LYPLAL1: variants seen among roughly 807,000 people sequenced by gnomAD.
LYPLAL1 encodes the protein lysophospholipase like 1, also known as lysophospholipase-like protein 1.
A neutral mutation model predicts 19.7 loss-of-function variants in LYPLAL1; 23 were observed. That is an observed-to-expected ratio of 1.17 (90% confidence interval 0.84 to 1.65). LYPLAL1 has a LOEUF of 1.65. Ranked by LOEUF, LYPLAL1 falls within the 40% of genes most tolerant of loss-of-function variation. LYPLAL1 has a pLI of 0.00. For missense variants in LYPLAL1, 355 were observed against 279.4 expected, an observed-to-expected ratio of 1.27 and a Z score of -1.93; for synonymous variants, 119 against 96.3, an observed-to-expected ratio of 1.24 and a Z score of -1.38.
the LYPLAL1 span, among the ~76,000 whole-genome samples, chr1:219,226,379 A>G: frequency 6.6e-6 from 1 of 152,134 alleles, no homozygotes; most frequent in Non-Finnish European, 1.5e-5. Context: ...TAAAGGCAAC[A>G]TTTTGTTTTT....
the LYPLAL1 span, among the ~76,000 whole-genome samples, chr1:219,397,793 A>C: frequency 0.014 from 2,171 of 152,126 alleles, 47 homozygotes; most frequent in African/African-American, 0.05. Flanking sequence ...AAAGGATTTT[A>C]TTTCTTCTTT....
chr1:219,312,620 A>C, the LYPLAL1 span, among the ~76,000 whole-genome samples: 3 of 152,144 alleles, frequency 2.0e-5, no homozygotes, highest in Admixed American at 2.0e-4. Context: ...ACTATCATGA[A>C]AGAGAAGGCA....
At chr1:219,304,030 A>C in the LYPLAL1 span, among the ~76,000 whole-genome samples, 1 of 152,240 alleles carries the variant, frequency 6.6e-6, no homozygotes, top group South Asian at 2.1e-4. Flanking sequence ...TATCTAATAA[A>C]TATTTACAAT....
chr1:219,378,696 CT>C, the LYPLAL1 span, among the ~76,000 whole-genome samples: 2 of 152,042 alleles, frequency 1.3e-5, no homozygotes, highest in Non-Finnish European at 2.9e-5. Flanking sequence ...TTGGAAATCA[CT>C]GAGGGCATAA....
At chr1:219,234,855 A>C in the LYPLAL1 span, among the ~76,000 whole-genome samples, 1 of 152,190 alleles carries the variant, frequency 6.6e-6, no homozygotes, top group African/African-American at 2.4e-5. Flanking sequence ...TTATAATCGC[A>C]AACAATGGAT....
the LYPLAL1 span, among the ~76,000 whole-genome samples, chr1:219,387,054 T>C: frequency 6.6e-6 from 1 of 152,196 alleles, no homozygotes; most frequent in African/African-American, 2.4e-5. Flanking sequence ...AATTTCCATA[T>C]TCTTTTTATG....
chr1:219,338,552 A>C, the LYPLAL1 span, among the ~76,000 whole-genome samples: 1 of 151,910 alleles, frequency 6.6e-6, no homozygotes, highest in Non-Finnish European at 1.5e-5. Context: ...TAGAGTGAAA[A>C]TATCCACCTC....
downstream of LYPLAL1, among the ~76,000 whole-genome samples, chr1:219,217,554 T>A (rs1443102856): frequency 1.3e-5 from 2 of 152,142 alleles, no homozygotes; most frequent in Non-Finnish European, 2.9e-5. Context: ...TTCTAAATCA[T>A]GCAAGGTCTG....
the LYPLAL1 span, among the ~76,000 whole-genome samples, chr1:219,219,547 A>G: frequency 1.3e-5 from 2 of 152,200 alleles, no homozygotes; most frequent in East Asian, 3.9e-4. Flanking sequence ...AGTTAAAACA[A>G]TTGAGTGCAG....
intron 3 of LYPLAL1, chr1:219,199,964 A>T (rs938210955): frequency 8.5e-6 from 2 of 234,176 alleles, no homozygotes; most frequent in Non-Finnish European, 1.8e-5. Context: ...ACACACATCC[A>T]TCCCCAGGAT....
rs1446142354 is a variant in LYPLAL1, at chr1:219,212,677, C to CT, written c.*952dup. On this transcript the variant is annotated 3_prime_UTR_variant, in exon 5 of 5. Transcript: ENST00000366928. ...AATAGAATCATACAATACCTGCCTG[C>CT]TTTCATTCAACAAAATTATCATGAG... 1 of 152,010 alleles carries CT rather than the reference C, an allele frequency of 6.6e-6. No individual in the cohort carries two copies. Among genetic ancestry groups the CT allele is most frequent in the Non-Finnish European group, 1.5e-5 (1 of 67,952 alleles). The allele number at this position is 152,010 out of a possible 1,614,324, so 9.4% of individuals were successfully genotyped here. A position where few individuals can be genotyped will look rare whatever the true frequency, so the allele number is the denominator to read the frequency against.
chr1:219,304,068 T>C, the LYPLAL1 span, among the ~76,000 whole-genome samples: 2 of 152,238 alleles, frequency 1.3e-5, no homozygotes, highest in Non-Finnish European at 2.9e-5. Context: ...ATTGAAGATG[T>C]ATGTCCCCTT....
At chr1:219,210,012 G>GGAAA (rs1307298602) in intron 3 of LYPLAL1, among the ~76,000 whole-genome samples, 2 of 151,496 alleles carry the variant, frequency 1.3e-5, no homozygotes, top group Admixed American at 6.6e-5. Flanking sequence ...AAATAATATT[G>GGAAA]TAATCCAAAA....
the LYPLAL1 span, among the ~76,000 whole-genome samples, chr1:219,240,684 A>G: frequency 1.3e-5 from 2 of 152,204 alleles, no homozygotes; most frequent in Non-Finnish European, 1.5e-5. Context: ...TTCTTTTTCA[A>G]TAAAATTGTT....
the LYPLAL1 span, among the ~76,000 whole-genome samples, chr1:219,379,617 G>T: frequency 6.6e-6 from 1 of 152,024 alleles, no homozygotes; most frequent in Non-Finnish European, 1.5e-5. Flanking sequence ...CTGCATTTTT[G>T]GACCTAAATT....
the LYPLAL1 span, among the ~76,000 whole-genome samples, chr1:219,303,366 T>C: frequency 2.6e-5 from 4 of 151,828 alleles, no homozygotes; most frequent in African/African-American, 9.7e-5. Flanking sequence ...AATAAATAAT[T>C]TAAGAGTCAT....
At chr1:219,267,823 T>A in the LYPLAL1 span, among the ~76,000 whole-genome samples, 1 of 152,198 alleles carries the variant, frequency 6.6e-6, no homozygotes, top group Non-Finnish European at 1.5e-5. Flanking sequence ...ATTCAGAGCT[T>A]CCAGCAGGAT....
chr1:219,361,779 G>A, the LYPLAL1 span, among the ~76,000 whole-genome samples: 1 of 152,134 alleles, frequency 6.6e-6, no homozygotes, highest in Non-Finnish European at 1.5e-5. Context: ...CATGACAAAA[G>A]TGAGGGGTAA....
the LYPLAL1 span, among the ~76,000 whole-genome samples, chr1:219,294,981 C>A: frequency 6.6e-6 from 1 of 152,034 alleles, no homozygotes; most frequent in Non-Finnish European, 1.5e-5. Flanking sequence ...CTTCTTTCAG[C>A]CAATGGCAAT....
Sources: allele counts gnomAD v4.1 joint callset (sites outside exome capture counted in the v4.1 genomes callset), GRCh38; gene constraint gnomAD v4.1.1; transcripts MANE v1.5; gene names NCBI Gene and HGNC (gene_info 2026-07-23, HGNC 2026-07-21).